The following B3GALT1 variants were observed in gnomAD, a reference collection of about 807,000 sequenced individuals.
B3GALT1 encodes the protein UDP-Gal:betaGlcNAc beta 1,3-galactosyltransferase, polypeptide 1.
In B3GALT1, 10 loss-of-function variants were observed where a neutral mutation model predicts 23.2. That is an observed-to-expected ratio of 0.43 (90% confidence interval 0.27 to 0.73). B3GALT1 has a LOEUF of 0.73. B3GALT1 is among the 30% of genes least tolerant of loss of function. The pLI is 0.21. For synonymous variants in B3GALT1, 156 were observed against 141.5 expected (o/e 1.10, Z -0.73); for missense variants, 299 against 405.4 (o/e 0.74, Z 2.25).
At chr2:167,802,838 TG>T (rs1688662984) in intron 3 of B3GALT1, among the ~76,000 whole-genome samples, 1 of 152,186 alleles carries the variant, frequency 6.6e-6, no homozygotes, top group African/African-American at 2.4e-5. Flanking sequence ...AGAGTTGCTA[TG>T]TTTTTTTAAT....
At chr2:167,307,591 AG>A (rs1412579427) in intron 1 of B3GALT1, among the ~76,000 whole-genome samples, 2 of 152,064 alleles carry the variant, frequency 1.3e-5, no homozygotes, top group Non-Finnish European at 2.9e-5. Context: ...GGTTATCAAA[AG>A]GACTTGCGTC....
At chr2:167,338,949 A>G (rs1342640590) in intron 1 of B3GALT1, among the ~76,000 whole-genome samples, 2 of 152,154 alleles carry the variant, frequency 1.3e-5, no homozygotes, top group African/African-American at 4.8e-5. Context: ...GATTGGCGAA[A>G]TTACAGAGGC....
intron 2 of B3GALT1, among the ~76,000 whole-genome samples, chr2:167,566,756 G>T (rs1345272337): frequency 6.6e-6 from 1 of 152,070 alleles, no homozygotes; most frequent in Admixed American, 6.6e-5. Flanking sequence ...AGTGCAAAAG[G>T]GTGGTAATTT....
At chr2:167,430,998 T>C (rs917371672) in intron 1 of B3GALT1, among the ~76,000 whole-genome samples, 1 of 152,226 alleles carries the variant, frequency 6.6e-6, no homozygotes, top group Non-Finnish European at 1.5e-5. Context: ...TTATTTCTTA[T>C]AACTGCAATT....
At chr2:167,403,435 G>T (rs1698226205) in intron 1 of B3GALT1, among the ~76,000 whole-genome samples, 1 of 151,724 alleles carries the variant, frequency 6.6e-6, no homozygotes, top group Non-Finnish European at 1.5e-5. Context: ...ATGGGCATTT[G>T]GATTGGTTCC....
At chr2:167,666,812 C>T (rs1686202933) in intron 3 of B3GALT1, among the ~76,000 whole-genome samples, 1 of 152,124 alleles carries the variant, frequency 6.6e-6, no homozygotes, top group Non-Finnish European at 1.5e-5. Context: ...GGTAGATCTT[C>T]CTCCATCCTT....
chr2:167,352,492 T>C (rs200557816), intron 1 of B3GALT1, among the ~76,000 whole-genome samples: 5 of 142,104 alleles, frequency 3.5e-5, no homozygotes, highest in Non-Finnish European at 7.6e-5. Context: ...AAGGCCGAGG[T>C]GGGCGGATCA....
At chr2:167,807,604 T>G (rs1284522047) in intron 3 of B3GALT1, among the ~76,000 whole-genome samples, 1 of 151,950 alleles carries the variant, frequency 6.6e-6, no homozygotes, top group East Asian at 1.9e-4. Flanking sequence ...GGTTGTTCAG[T>G]TTCCATGTAG....
In B3GALT1 at chr2:167,387,012, C is replaced by CATCAT. The variant is rs143849741; in HGVS notation, c.-511+93694_-511+93698dup. 6.8e-3 allele frequency among the ~76,000 whole-genome samples: 1,022 copies of CATCAT among 151,228 alleles called. 3 individuals are homozygous for CATCAT. The highest frequency in any genetic ancestry group is 0.031 in the Middle Eastern group (9 of 294). ...AGATTTCAATACTGGTAGGTAGTCT[C>CATCAT]ATCATATCATATCATATCATTTCAT... is the stretch of plus-strand genomic sequence containing the variant. On this transcript the variant is annotated intron_variant, in intron 1 of 4. Coordinates refer to ENST00000392690, the MANE Select transcript of B3GALT1 (RefSeq NM_020981.4).
At chr2:167,459,431 G>A (rs1056950802) in intron 1 of B3GALT1, among the ~76,000 whole-genome samples, 6 of 152,068 alleles carry the variant, frequency 3.9e-5, no homozygotes, top group African/African-American at 1.4e-4. Context: ...TGTTGTTGAT[G>A]TCATAAAATT....
chr2:167,662,054 GTA>G (rs1190407665), intron 3 of B3GALT1, among the ~76,000 whole-genome samples: 1 of 143,134 alleles, frequency 7.0e-6, no homozygotes, highest in Non-Finnish European at 1.5e-5. Flanking sequence ...TCTTGATCCT[GTA>G]TATGTTTTCA....
At chr2:167,432,651 A>G (rs1306822866) in intron 1 of B3GALT1, among the ~76,000 whole-genome samples, 1 of 152,224 alleles carries the variant, frequency 6.6e-6, no homozygotes, top group Admixed American at 6.5e-5. Flanking sequence ...CTTATCAGGC[A>G]TAGATAGTCC....
chr2:167,666,479 G>A (rs577780484), intron 3 of B3GALT1, among the ~76,000 whole-genome samples: 1,862 of 151,900 alleles, frequency 0.012, 42 homozygotes, highest in African/African-American at 0.042. Context: ...CTTGGTGCAG[G>A]GCTGAGTTCA....
chr2:167,484,705 T>G (rs907631322), intron 1 of B3GALT1, among the ~76,000 whole-genome samples: 1 of 152,116 alleles, frequency 6.6e-6, no homozygotes, highest in African/African-American at 2.4e-5. Context: ...TTAGAGGCAA[T>G]AGGTGGCAAA....
chr2:167,621,637 G>A (rs1426690756), intron 2 of B3GALT1, among the ~76,000 whole-genome samples: 1 of 152,030 alleles, frequency 6.6e-6, no homozygotes, highest in Non-Finnish European at 1.5e-5. Flanking sequence ...TTGAATTGTA[G>A]TTCCCATAAT....
At chr2:167,362,979 T>C (rs749533820) in intron 1 of B3GALT1, among the ~76,000 whole-genome samples, 4 of 152,138 alleles carry the variant, frequency 2.6e-5, no homozygotes, top group South Asian at 4.1e-4. Context: ...CCTCAGCCTC[T>C]GAAGTAGCTG....
intron 3 of B3GALT1, among the ~76,000 whole-genome samples, chr2:167,759,446 G>GC (rs1687867285): frequency 6.6e-6 from 1 of 152,322 alleles, no homozygotes; most frequent in South Asian, 2.1e-4. Context: ...CATGATGTTT[G>GC]CACATAAATC....
chr2:167,517,174 TTC>T (rs1192046031), intron 2 of B3GALT1, among the ~76,000 whole-genome samples: 1 of 151,930 alleles, frequency 6.6e-6, no homozygotes, highest in East Asian at 1.9e-4. Flanking sequence ...TTGAATTTTC[TTC>T]TCTCTGTTAA....
At chr2:167,438,675 G>A (rs1451592538) in intron 1 of B3GALT1, among the ~76,000 whole-genome samples, 1 of 152,186 alleles carries the variant, frequency 6.6e-6, no homozygotes, top group African/African-American at 2.4e-5. Context: ...CAAGCAACAA[G>A]TATTCTTCAG....
Sources: allele counts gnomAD v4.1 joint callset (sites outside exome capture counted in the v4.1 genomes callset), GRCh38; gene constraint gnomAD v4.1.1; transcripts MANE v1.5; gene names NCBI Gene and HGNC (gene_info 2026-07-23, HGNC 2026-07-21).